Variants in PTAR1 observed in about 807,000 individuals in gnomAD.
PTAR1 encodes the protein protein prenyltransferase alpha subunit repeat containing 1.
A neutral mutation model predicts 45.5 loss-of-function variants in PTAR1; 17 were observed. The ratio of observed to expected loss-of-function variants is 0.37; its 90% CI spans 0.26 to 0.56. The LOEUF (loss-of-function observed/expected upper bound fraction) is 0.56, where lower values mean the gene tolerates loss of function less well. Ranked by LOEUF, PTAR1 falls within the 20% of genes least tolerant of loss-of-function variation. The pLI is 0.77. For synonymous variants in PTAR1, 169 were observed against 171.3 expected (o/e 0.99, Z 0.11); for missense variants, 391 against 476.3 (o/e 0.82, Z 1.67).
At chr9:69,740,201 G>A (rs899079730) in intron 3 of PTAR1, among the ~76,000 whole-genome samples, 1 of 151,804 alleles carries the variant, frequency 6.6e-6, no homozygotes, top group Admixed American at 6.6e-5. Flanking sequence ...ATGTATATAG[G>A]TGTGTGTGTG....
In PTAR1 at chr9:69,712,447, G is replaced by A. The variant is rs1824558629; in HGVS notation, c.*5895C>T. The A allele has an allele frequency of 6.6e-6, 1 of 152,116 alleles. No homozygotes were observed. Among genetic ancestry groups the A allele is most frequent in the African/African-American group, 2.4e-5 (1 of 41,438 alleles). 9.4% of individuals were successfully genotyped at this position (152,116 alleles called of 1,614,324 possible). A position where few individuals can be genotyped will look rare whatever the true frequency, so the allele number is the denominator to read the frequency against. On this transcript the variant is annotated 3_prime_UTR_variant, in exon 8 of 8. Transcript: ENST00000340434. The stretch of plus-strand genomic sequence containing the variant: ...TTGTAAATTTCACTTGCAATGTTGT[G>A]CAACTGTATATCTTTGCCTTATGCA...
At position 69,715,475 on chromosome 9, in the gene PTAR1, T is replaced by A. The variant is rs1158249563; in HGVS notation, c.*2867A>T. The A allele has an allele frequency of 6.6e-6, 1 of 152,132 alleles. No individual in the cohort carries two copies. The highest frequency in any genetic ancestry group is 2.4e-5 in the African/African-American group (1 of 41,456). 9.4% of individuals were successfully genotyped at this position (152,132 alleles called of 1,614,324 possible). ...ATAGGTACACTAAAGTACACTAAGG[T>A]ACACTAAAGGCGGGGTGAAGGTGGT... On this transcript the variant is annotated 3_prime_UTR_variant, in exon 8 of 8. Coordinates refer to ENST00000340434, the MANE Select transcript of PTAR1 (RefSeq NM_001099666.2).
At chr9:69,757,752 C>A (rs1826853704) in intron 1 of PTAR1, 1 of 34,724 alleles carries the variant, frequency 2.9e-5, no homozygotes. Context: ...ATAAACAATG[C>A]CTTAAAAAAA....
chr9:69,758,859 TAA>T lies in PTAR1; in HGVS notation c.86+992_86+993del, dbSNP rs34814489. On this transcript the variant is annotated intron_variant, in intron 1 of 7. Coordinates refer to ENST00000340434, the MANE Select transcript of PTAR1 (RefSeq NM_001099666.2). ...TAAATAATAATAAAAAATAATAAAC[TAA>T]AAAAAAAAAAAATAAACTCCAAAAA... is the stretch of plus-strand genomic sequence containing the variant. 3.5e-3 allele frequency among the ~76,000 whole-genome samples: 515 copies of T among 145,390 alleles called. 1 individual carries two copies. Among genetic ancestry groups the T allele is most frequent in the African/African-American group, 5.1e-3 (200 of 39,506 alleles).
At chr9:69,726,718 T>C (rs1045348089) in intron 5 of PTAR1, among the ~76,000 whole-genome samples, 1 of 152,018 alleles carries the variant, frequency 6.6e-6, no homozygotes, top group Non-Finnish European at 1.5e-5. Flanking sequence ...GTGTGATTAC[T>C]TTTCCTTTGC....
rs1236254242 is a variant in PTAR1, at chr9:69,732,221, G to C, written c.560C>G (p.Ala187Gly). ...IQEEMEVCGE[A>G]AGRYPSNYNA... Reference sequence around the variant, plus strand: ...ATAGTTGCTTGGGTATCTCCCTGCTGCTTCACCACAGACCTCCATCTCTTC... The same window carrying C: ...ATAGTTGCTTGGGTATCTCCCTGCTCCTTCACCACAGACCTCCATCTCTTC... Residue 187 changes from alanine to glycine, a missense_variant, in exon 5 of 8, where the codon GCA becomes GGA. This residue lies in a region of PTAR1 where 46 missense variants were observed against 39.6 expected (regional missense o/e 1.16). Transcript: ENST00000340434. The C allele has an allele frequency of 6.2e-7, 1 of 1,613,846 alleles. No homozygotes were observed. Among genetic ancestry groups the C allele is most frequent in the Admixed American group, 1.7e-5 (1 of 60,012 alleles).
chr9:69,728,913 G>A (rs139836719), intron 5 of PTAR1, among the ~76,000 whole-genome samples: 1,641 of 152,214 alleles, frequency 0.011, 33 homozygotes, highest in African/African-American at 0.035. Context: ...AAAATCTATA[G>A]CATTGTTGTG....
At chr9:69,722,368 A>G (rs1825050746) in intron 6 of PTAR1, among the ~76,000 whole-genome samples, 1 of 152,210 alleles carries the variant, frequency 6.6e-6, no homozygotes, top group Non-Finnish European at 1.5e-5. Context: ...GGAAGGGGTC[A>G]CATATGTGAC....
At chr9:69,720,892 A>T (rs1382636361) in intron 6 of PTAR1, among the ~76,000 whole-genome samples, 1 of 152,200 alleles carries the variant, frequency 6.6e-6, no homozygotes, top group Non-Finnish European at 1.5e-5. Flanking sequence ...TTCCTTCCAA[A>T]ATATTACTGC....
intron 4 of PTAR1, among the ~76,000 whole-genome samples, chr9:69,732,708 T>C (rs1825597416): frequency 6.6e-6 from 1 of 152,128 alleles, no homozygotes; most frequent in Non-Finnish European, 1.5e-5. Context: ...AGGTCATAAA[T>C]TAATGGCTGA....
Position 69,759,983 on chromosome 9 carries a change from G to A in PTAR1, c.-45C>T, listed in dbSNP as rs774065991. 6.4e-6 allele frequency: 9 copies of A among 1,413,280 alleles called. No homozygotes were observed. Among genetic ancestry groups the A allele is most frequent in the South Asian group, 1.4e-5 (1 of 69,390 alleles). 87.5% of individuals were successfully genotyped at this position (1,413,280 alleles called of 1,614,324 possible). ...GTTCGGGCGCGCCTCCGCGTGAGCC[G>A]GGCCGCCGGCGGGAGTTCCGCGGAG... is the stretch of plus-strand genomic sequence containing the variant. On this transcript the variant is annotated 5_prime_UTR_variant, in exon 1 of 8. Coordinates refer to ENST00000340434, the MANE Select transcript of PTAR1 (RefSeq NM_001099666.2).
rs1415057583 is a variant in PTAR1 at position 69,716,546 on chromosome 9, G to T, written c.*1796C>A. 6.6e-6 allele frequency: 1 copy of T among 152,050 alleles called. No homozygotes were observed. The highest frequency in any genetic ancestry group is 2.4e-5 in the African/African-American group (1 of 41,394). The allele number at this position is 152,050 out of a possible 1,614,324, so 9.4% of individuals were successfully genotyped here. ...AACAAAACCATGATGCCAAAGAAAA[G>T]GACATATTTCTTCTTCTTTAAGGCA... On this transcript the variant is annotated 3_prime_UTR_variant, in exon 8 of 8. Coordinates refer to ENST00000340434, the MANE Select transcript of PTAR1 (RefSeq NM_001099666.2).
chr9:69,746,750 G>T (rs539629966), intron 2 of PTAR1, among the ~76,000 whole-genome samples: 1 of 152,310 alleles, frequency 6.6e-6, no homozygotes, highest in African/African-American at 2.4e-5. Context: ...CTAAATTTCA[G>T]CTATAACAAG....
intron 1 of PTAR1, chr9:69,758,115 G>A (rs897173697): frequency 2.0e-5 from 3 of 152,152 alleles, no homozygotes; most frequent in Non-Finnish European, 4.4e-5. Flanking sequence ...GGATTAGGGA[G>A]GGGCATTAAA....
At chr9:69,732,993 T>C (rs1825611055) in intron 4 of PTAR1, among the ~76,000 whole-genome samples, 1 of 151,888 alleles carries the variant, frequency 6.6e-6, no homozygotes, top group Admixed American at 6.5e-5. Context: ...TCGAGCTACT[T>C]AATGTGTTTA....
intron 5 of PTAR1, among the ~76,000 whole-genome samples, chr9:69,731,641 T>G (rs888240823): frequency 6.6e-6 from 1 of 152,178 alleles, no homozygotes; most frequent in African/African-American, 2.4e-5. Flanking sequence ...TCTGCTTTAG[T>G]AGGCTTGGAG....
chr9:69,759,639 T>C (rs1356658435), intron 1 of PTAR1, among the ~76,000 whole-genome samples: 1 of 152,116 alleles, frequency 6.6e-6, no homozygotes, highest in African/African-American at 2.4e-5. Flanking sequence ...TTGAGGTCAC[T>C]TCTAGGGACT....
chr9:69,723,742 T>C (rs1459966417), intron 5 of PTAR1, 112 bp from the exon 6 acceptor site: 3 of 826,932 alleles, frequency 3.6e-6, no homozygotes, highest in Admixed American at 2.7e-5. Flanking sequence ...AGACCATTCT[T>C]ACCAATATTT....
At chr9:69,735,814 C>T (rs1026401469) in intron 3 of PTAR1, among the ~76,000 whole-genome samples, 13 of 151,988 alleles carry the variant, frequency 8.6e-5, no homozygotes, top group African/African-American at 2.4e-4. Context: ...TCTACTTAGA[C>T]GGACTTAATT....
Sources: gnomAD v4.1 joint callset for allele counts (sites outside exome capture counted in the v4.1 genomes callset) on GRCh38, gnomAD v4.1.1 for gene constraint, gnomAD v4.1.1 regional missense constraint, MANE v1.5 for transcripts, NCBI Gene and HGNC (gene_info 2026-07-23, HGNC 2026-07-21) for gene names.